Variants in RAD51B observed in about 807,000 individuals in gnomAD.
RAD51B encodes the protein DNA repair protein RAD51 homolog 2.
RAD51B carries 38 observed loss-of-function variants against 42.2 expected under a neutral mutation model. That is an observed-to-expected ratio of 0.90 (90% confidence interval 0.70 to 1.18). The LOEUF is 1.18. Ranked by LOEUF, RAD51B falls within the 50% of genes most tolerant of loss-of-function variation. RAD51B has a pLI of 0.00. For synonymous variants in RAD51B, 154 were observed against 145.2 expected, an observed-to-expected ratio of 1.06 and a Z score of -0.43; for missense variants, 373 against 400.7, an observed-to-expected ratio of 0.93 and a Z score of 0.59.
chr14:68,143,723 CT>C (rs939529669), intron 7 of RAD51B, among the ~76,000 whole-genome samples: 1 of 152,222 alleles, frequency 6.6e-6, no homozygotes, highest in Admixed American at 6.5e-5. Context: ...TATACTCTGC[CT>C]GTTGCTTTCT....
exon 11 of RAD51B, chr14:68,595,621 G>A (rs1233091169): frequency 1.9e-6 from 2 of 1,060,390 alleles, no homozygotes; most frequent in Admixed American, 5.3e-5. Context: ...TCTCCCCAAT[G>A]TCTACATTGT....
chr14:68,198,687 ATATAT>A (rs1309232063), intron 7 of RAD51B, among the ~76,000 whole-genome samples: 1 of 152,148 alleles, frequency 6.6e-6, no homozygotes, highest in Non-Finnish European at 1.5e-5. Context: ...TTTTTGGCTG[ATATAT>A]TAAGTCAATA....
At chr14:68,193,655 A>AT (rs1387216515) in intron 7 of RAD51B, among the ~76,000 whole-genome samples, 13 of 152,196 alleles carry the variant, frequency 8.5e-5, no homozygotes, top group Non-Finnish European at 1.3e-4. Flanking sequence ...ATAATTTGTG[A>AT]TTTTCAAAGA....
intron 10 of RAD51B, among the ~76,000 whole-genome samples, chr14:68,566,406 C>A (rs966617874): frequency 6.6e-6 from 1 of 152,206 alleles, no homozygotes; most frequent in Non-Finnish European, 1.5e-5. Flanking sequence ...AGAAGAACAA[C>A]GTCAAGGCCA....
Position 67,966,677 on chromosome 14 carries a change from T to C in RAD51B, c.756+79473T>C, listed in dbSNP as rs2074785210. Among the ~76,000 whole-genome samples, 5 of 152,318 alleles carry C rather than the reference T, an allele frequency of 3.3e-5. No homozygotes were observed. The South Asian group carries it at 1.0e-3, about 32-fold the overall frequency. On this transcript the variant is annotated intron_variant, in intron 7 of 10. Coordinates refer to ENST00000471583, the MANE Select transcript of RAD51B (RefSeq NM_133510.4). ...GATAGACAAATAGGCTTATGAAATA[T>C]AGTATTGCTGTGTGTGTTTGTATGT...
chr14:68,605,368 A>T (rs1016377719), intron 10 of RAD51B, among the ~76,000 whole-genome samples: 1 of 152,270 alleles, frequency 6.6e-6, no homozygotes, highest in African/African-American at 2.4e-5. Context: ...CTCATCGCAG[A>T]TGGAACAATG....
intron 7 of RAD51B, among the ~76,000 whole-genome samples, chr14:68,032,188 A>G (rs2076057282): frequency 6.6e-6 from 1 of 152,192 alleles, no homozygotes; most frequent in African/African-American, 2.4e-5. Context: ...TAAAGTGCTA[A>G]GCATAGCAGG....
At chr14:68,593,223 A>G (rs747045459) in intron 10 of RAD51B, among the ~76,000 whole-genome samples, 2 of 152,248 alleles carry the variant, frequency 1.3e-5, no homozygotes, top group African/African-American at 2.4e-5. Context: ...GGGCAAGTTA[A>G]TGAACCTCTC....
chr14:68,631,579 G>A (rs1304921131), intron 10 of RAD51B, among the ~76,000 whole-genome samples: 1 of 152,210 alleles, frequency 6.6e-6, no homozygotes, highest in Non-Finnish European at 1.5e-5. Context: ...AATCTCCCAT[G>A]TGCCCGGCAT....
intron 10 of RAD51B, chr14:68,498,018 G>A (rs1884662302): frequency 5.7e-6 from 1 of 176,336 alleles, no homozygotes; most frequent in African/African-American, 2.4e-5. Flanking sequence ...AATTTTTTAA[G>A]GTATGTACCT....
chr14:67,927,027 A>G (rs2044538757), intron 7 of RAD51B, among the ~76,000 whole-genome samples: 1 of 152,180 alleles, frequency 6.6e-6, no homozygotes, highest in South Asian at 2.1e-4. Flanking sequence ...ATACTGTGAT[A>G]TTATTTCCTA....
At chr14:68,372,602 G>A (rs1451561893) in intron 8 of RAD51B, among the ~76,000 whole-genome samples, 1 of 152,124 alleles carries the variant, frequency 6.6e-6, no homozygotes, top group Non-Finnish European at 1.5e-5. Flanking sequence ...ATCACAGCAG[G>A]ATTCCTGGAG....
chr14:68,405,938 T>A (rs1230855770), intron 8 of RAD51B, among the ~76,000 whole-genome samples: 1 of 150,704 alleles, frequency 6.6e-6, no homozygotes, highest in African/African-American at 2.4e-5. Flanking sequence ...CTTGATCCCA[T>A]CACTTAGCAG....
intron 7 of RAD51B, among the ~76,000 whole-genome samples, chr14:68,113,122 C>T (rs994994777): frequency 2.6e-5 from 4 of 152,060 alleles, no homozygotes; most frequent in Non-Finnish European, 5.9e-5. Context: ...CTAGAATTTA[C>T]ATCAGCTACT....
intron 10 of RAD51B, among the ~76,000 whole-genome samples, chr14:68,554,440 G>C (rs755922166): frequency 1.4e-4 from 21 of 152,066 alleles, no homozygotes; most frequent in Non-Finnish European, 2.6e-4. Flanking sequence ...GGTTTCCCTT[G>C]GTGAGTGGTT....
At chr14:68,371,377 G>A (rs894609348) in intron 8 of RAD51B, among the ~76,000 whole-genome samples, 1 of 152,202 alleles carries the variant, frequency 6.6e-6, no homozygotes, top group Admixed American at 6.5e-5. Flanking sequence ...AATTAGCTGG[G>A]CGTGGTGGTG....
At chr14:68,020,988 T>C (rs1011989957) in intron 7 of RAD51B, among the ~76,000 whole-genome samples, 1 of 152,116 alleles carries the variant, frequency 6.6e-6, no homozygotes, top group African/African-American at 2.4e-5. Context: ...GTTCTTTCCT[T>C]GTTAAGTGGA....
intron 9 of RAD51B, among the ~76,000 whole-genome samples, chr14:68,448,496 G>C (rs960663566): frequency 5.3e-5 from 8 of 152,134 alleles, no homozygotes; most frequent in Non-Finnish European, 1.2e-4. Flanking sequence ...GTTCATCTTT[G>C]CTTTCCCTAA....
At chr14:68,255,178 A>G (rs1037319827) in intron 7 of RAD51B, among the ~76,000 whole-genome samples, 8 of 151,378 alleles carry the variant, frequency 5.3e-5, no homozygotes, top group Admixed American at 2.6e-4. Context: ...AAACATTAAT[A>G]TCTTACGGAG....
Sources: allele counts gnomAD v4.1 joint callset (sites outside exome capture counted in the v4.1 genomes callset), GRCh38; gene constraint gnomAD v4.1.1; transcripts MANE v1.5; gene names NCBI Gene and HGNC (gene_info 2026-07-23, HGNC 2026-07-21).